The following RANBP2 variants were observed in gnomAD, a reference collection of about 807,000 sequenced individuals.
The protein encoded by RANBP2 is RAN binding protein 2, also known as E3 SUMO-protein ligase RanBP2.
In RANBP2, 57 loss-of-function variants were observed where a neutral mutation model predicts 303.6. That is an observed-to-expected ratio of 0.19 (90% confidence interval 0.15 to 0.23). RANBP2 has a LOEUF of 0.23. Among genes scored for constraint, RANBP2 ranks in the 10% least tolerant of loss-of-function variants. The pLI is 1.00. For missense variants in RANBP2, 3,138 were observed against 3,780.8 expected (o/e 0.83, Z 4.46); for synonymous variants, 1,167 against 1,301.5 (o/e 0.90, Z 2.23).
chr2:108,880,061 A>G, the RANBP2 span, among the ~76,000 whole-genome samples: 1 of 152,314 alleles, frequency 6.6e-6, no homozygotes, highest in Admixed American at 6.5e-5. Flanking sequence ...ATGATAAGAA[A>G]CAAATCCAAA....
chr2:108,786,791 T>A (rs1380788680), downstream of RANBP2: 3 of 1,560,732 alleles, frequency 1.9e-6, no homozygotes, highest in Non-Finnish European at 2.6e-6. Flanking sequence ...TGAACGCGGT[T>A]CCCGGGGAGA....
the RANBP2 span, chr2:109,128,342 C>T: frequency 2.0e-5 from 3 of 152,202 alleles, no homozygotes; most frequent in Non-Finnish European, 4.4e-5. Context: ...CGGGGGTTCA[C>T]GAGACTGCGC....
chr2:108,853,933 T>TATATA, the RANBP2 span, among the ~76,000 whole-genome samples: 3 of 123,848 alleles, frequency 2.4e-5, no homozygotes, highest in African/African-American at 9.3e-5. Context: ...TTATATATAA[T>TATATA]TTATATATAA....
the RANBP2 span, among the ~76,000 whole-genome samples, chr2:109,233,538 C>G: frequency 1.3e-5 from 2 of 152,162 alleles, no homozygotes; most frequent in African/African-American, 4.8e-5. Flanking sequence ...TTGGAAAAAG[C>G]AACATTTGAG....
At chr2:108,826,970 A>C in the RANBP2 span, among the ~76,000 whole-genome samples, 1 of 152,310 alleles carries the variant, frequency 6.6e-6, no homozygotes, top group African/African-American at 2.4e-5. Context: ...TTGAAAAGTT[A>C]GTTTCACAGT....
At chr2:109,725,886 C>T in the RANBP2 span, among the ~76,000 whole-genome samples, 1 of 151,940 alleles carries the variant, frequency 6.6e-6, no homozygotes, top group Non-Finnish European at 1.5e-5. Flanking sequence ...GCATGTGCCA[C>T]CACACCTGGC....
the RANBP2 span, among the ~76,000 whole-genome samples, chr2:109,570,530 T>TG: frequency 6.6e-6 from 1 of 151,462 alleles, no homozygotes; most frequent in Non-Finnish European, 1.5e-5. Context: ...GTATCAGGTT[T>TG]TTTTTTTTTT....
the RANBP2 span, among the ~76,000 whole-genome samples, chr2:109,021,250 G>A: frequency 2.0e-5 from 3 of 152,308 alleles, no homozygotes; most frequent in Middle Eastern, 3.4e-3. Flanking sequence ...GCCATCGGGC[G>A]CGGTGGCTCA....
At chr2:109,562,959 G>A in the RANBP2 span, among the ~76,000 whole-genome samples, 1 of 151,272 alleles carries the variant, frequency 6.6e-6, no homozygotes, top group Non-Finnish European at 1.5e-5. Flanking sequence ...TGCCCAGGTT[G>A]GAGTGCAGTG....
chr2:108,746,821 T>C, intron 8 of RANBP2, 23 bp downstream of exon 8: 1 of 627,048 alleles, frequency 1.6e-6, no homozygotes, highest in African/African-American at 1.9e-5. Flanking sequence ...TTAAACTAAT[T>C]TAATTTAAAA....
the RANBP2 span, among the ~76,000 whole-genome samples, chr2:109,073,794 A>G: frequency 1.3e-5 from 2 of 150,998 alleles, no homozygotes; most frequent in Non-Finnish European, 3.0e-5. Flanking sequence ...AGACATTATG[A>G]TATCAGTAAC....
the RANBP2 span, among the ~76,000 whole-genome samples, chr2:109,410,605 TTGCTGGAGTTGTTC>T: frequency 1.3e-5 from 2 of 152,196 alleles, no homozygotes; most frequent in African/African-American, 4.8e-5. Context: ...GAGGGAGGGA[TTGCTGGAGTTGTTC>T]TGTAGGGTCA....
chr2:109,016,248 A>AT, the RANBP2 span, among the ~76,000 whole-genome samples: 3,392 of 145,460 alleles, frequency 0.023, 50 homozygotes, highest in East Asian at 0.078. Context: ...CGCCCGGCTA[A>AT]TTTTTTTTTT....
the RANBP2 span, chr2:109,313,654 C>T: frequency 6.5e-6 from 1 of 154,988 alleles, no homozygotes; most frequent in Non-Finnish European, 1.5e-5. Flanking sequence ...CTCAACATCC[C>T]AGGGGGATGG....
the RANBP2 span, among the ~76,000 whole-genome samples, chr2:109,039,116 C>A: frequency 1.3e-5 from 2 of 152,162 alleles, no homozygotes; most frequent in Non-Finnish European, 2.9e-5. Context: ...CAATGGAAGA[C>A]TTTAAAAGCA....
At chr2:108,872,080 T>A in the RANBP2 span, among the ~76,000 whole-genome samples, 6 of 152,222 alleles carry the variant, frequency 3.9e-5, no homozygotes, top group African/African-American at 1.4e-4. Context: ...CTTTTATACT[T>A]AACCAGATCT....
the RANBP2 span, among the ~76,000 whole-genome samples, chr2:109,466,332 C>T: frequency 6.6e-6 from 1 of 152,130 alleles, no homozygotes; most frequent in Non-Finnish European, 1.5e-5. Context: ...CTGCCCGCCT[C>T]GGCCTCCCAA....
the RANBP2 span, chr2:108,791,454 A>T: frequency 1.9e-6 from 1 of 528,576 alleles, no homozygotes; most frequent in South Asian, 1.7e-5. Flanking sequence ...TTTTAAATTA[A>T]GTCTATTTAA....
the RANBP2 span, among the ~76,000 whole-genome samples, chr2:108,796,901 C>G: frequency 6.6e-6 from 1 of 152,040 alleles, no homozygotes; most frequent in Non-Finnish European, 1.5e-5. Flanking sequence ...TCAGTATTTA[C>G]TAGTACAATA....
Sources: gnomAD v4.1 joint callset for allele counts (sites outside exome capture counted in the v4.1 genomes callset) on GRCh38, gnomAD v4.1.1 for gene constraint, MANE v1.5 for transcripts, NCBI Gene and HGNC (gene_info 2026-07-23, HGNC 2026-07-21) for gene names.